BMP2K: variants seen among roughly 807,000 people sequenced by gnomAD.
BMP2K encodes the protein BMP2 inducible kinase.
Under a neutral mutation model 116.0 loss-of-function variants are expected in BMP2K, and 74 were observed. The observed-to-expected ratio is 0.64, with a 90% confidence interval of 0.53 to 0.77. BMP2K has a LOEUF of 0.77. Ranked by LOEUF, BMP2K falls within the 30% of genes least tolerant of loss-of-function variation. The pLI, the probability that BMP2K is intolerant of heterozygous loss-of-function variation, is 0.00. For missense variants in BMP2K, 1,365 were observed against 1,403.6 expected, an observed-to-expected ratio of 0.97 and a Z score of 0.44; for synonymous variants, 486 against 502.5, an observed-to-expected ratio of 0.97 and a Z score of 0.44.
intron 15 of BMP2K, among the ~76,000 whole-genome samples, chr4:78,910,358 CAGTG>C (rs942950711): frequency 6.6e-6 from 1 of 152,132 alleles, no homozygotes; most frequent in East Asian, 1.9e-4. Context: ...ATTTGGCTGT[CAGTG>C]AGAGTACGAT....
At chr4:78,878,396 G>T (rs570775991) in intron 13 of BMP2K, among the ~76,000 whole-genome samples, 12 of 152,094 alleles carry the variant, frequency 7.9e-5, no homozygotes, top group Non-Finnish European at 1.6e-4. Flanking sequence ...TTTGCTTTAC[G>T]TGTATTAAAT....
chr4:78,842,872 T>C (rs1730826636), intron 4 of BMP2K, among the ~76,000 whole-genome samples: 2 of 152,178 alleles, frequency 1.3e-5, no homozygotes, highest in South Asian at 4.1e-4. Context: ...TCAGCCAGCA[T>C]TTCTCCTATT....
Position 78,865,739 on chromosome 4 carries a change from C to T in BMP2K, c.1231+19C>T, listed in dbSNP as rs990293229. 6.2e-7 allele frequency: 1 copy of T among 1,612,164 alleles called. No individual in the cohort carries two copies. On this transcript the variant is annotated intron_variant, in intron 10 of 15. Coordinates refer to ENST00000502613, the MANE Select transcript of BMP2K (RefSeq NM_198892.2). ...CCAAAAGGTAATAGAGCCCCGCCAA[C>T]CTCATCCTCTTAAAGGTTAATGTTA...
intron 3 of BMP2K, among the ~76,000 whole-genome samples, chr4:78,837,535 AC>A (rs1356542092): frequency 1.3e-5 from 2 of 152,092 alleles, no homozygotes; most frequent in Non-Finnish European, 2.9e-5. Flanking sequence ...GCTAAAGTAC[AC>A]CTTGTTACCA....
chr4:78,873,658 C>CTGTGTG lies in BMP2K; in HGVS notation c.1793+902_1793+907dup, dbSNP rs377226626. On this transcript the variant is annotated intron_variant, in intron 13 of 15. Coordinates refer to ENST00000502613, the MANE Select transcript of BMP2K (RefSeq NM_198892.2). ...TTTGCTATAGAATGCCTCCCAACCT[C>CTGTGTG]TGTGTGTGTGTGTGTGTGTGTGTGT... Among the ~76,000 whole-genome samples, 433 of 139,510 alleles carry CTGTGTG rather than the reference C, an allele frequency of 3.1e-3. 1 individual carries two copies. The highest frequency in any genetic ancestry group is 8.5e-3 in the Admixed American group (119 of 13,988). The allele number at this position is 139,510 out of a possible 152,430, so 91.5% of individuals were successfully genotyped here.
intron 9 of BMP2K, 130 bp downstream of exon 9, chr4:78,861,598 G>C (rs766575691): frequency 1.9e-5 from 14 of 742,992 alleles, no homozygotes; most frequent in Non-Finnish European, 2.6e-5. Context: ...TATTGTATGT[G>C]GTATAATTGA....
At chr4:78,861,806 TA>T (rs1381430171) in intron 9 of BMP2K, among the ~76,000 whole-genome samples, 3 of 151,988 alleles carry the variant, frequency 2.0e-5, no homozygotes, top group African/African-American at 7.2e-5. Context: ...TATAGATGTT[TA>T]TTTTTTTAAT....
chr4:78,793,767 T>G (rs1446588843), intron 1 of BMP2K, among the ~76,000 whole-genome samples: 1 of 152,144 alleles, frequency 6.6e-6, no homozygotes, highest in African/African-American at 2.4e-5. Flanking sequence ...AAAAAGAACA[T>G]AGAAGACCTT....
chr4:78,815,922 T>G (rs1729320803), intron 1 of BMP2K, among the ~76,000 whole-genome samples: 2 of 152,154 alleles, frequency 1.3e-5, no homozygotes, highest in Non-Finnish European at 1.5e-5. Context: ...TAAAGTGACA[T>G]GATGTATACA....
chr4:78,906,084 A>G (rs1734269548), intron 15 of BMP2K: 1 of 152,072 alleles, frequency 6.6e-6, no homozygotes, highest in South Asian at 2.1e-4. Context: ...GATTAAGTAG[A>G]TCACTGCTAC....
intron 1 of BMP2K, among the ~76,000 whole-genome samples, chr4:78,818,577 G>GT (rs1452218583): frequency 6.6e-6 from 1 of 152,108 alleles, no homozygotes; most frequent in Non-Finnish European, 1.5e-5. Flanking sequence ...TTAAAAAAGT[G>GT]TTTTATAAGC....
chr4:78,854,849 A>G (rs535829675), intron 7 of BMP2K, among the ~76,000 whole-genome samples: 3 of 151,860 alleles, frequency 2.0e-5, no homozygotes, highest in Non-Finnish European at 2.9e-5. Context: ...ACCTCACCCA[A>G]CCTCACTGGT....
chr4:78,897,204 A>G (rs984438050), intron 15 of BMP2K, among the ~76,000 whole-genome samples: 5 of 149,104 alleles, frequency 3.4e-5, no homozygotes, highest in Non-Finnish European at 4.4e-5. Context: ...TGATTTTTTT[A>G]AGCCTTATTT....
intron 9 of BMP2K, among the ~76,000 whole-genome samples, chr4:78,862,706 C>T (rs1189459973): frequency 5.3e-5 from 8 of 152,010 alleles, no homozygotes; most frequent in Admixed American, 1.3e-4. Flanking sequence ...TGATCTGTTA[C>T]TTATACATTG....
chr4:78,815,564 A>G (rs1729298867), intron 1 of BMP2K, among the ~76,000 whole-genome samples: 1 of 152,154 alleles, frequency 6.6e-6, no homozygotes, highest in African/African-American at 2.4e-5. Context: ...CTGGGGAAAA[A>G]CATACTTTGT....
chr4:78,872,317 TTTTTTTTTTTTTA>T (rs1732402262), intron 12 of BMP2K: 1 of 230,550 alleles, frequency 4.3e-6, no homozygotes. Context: ...TTTTTTTTTT[TTTTTTTTTTTTTA>T]ACAGCAACCA....
chr4:78,870,473 T>C (rs958254352), intron 10 of BMP2K, among the ~76,000 whole-genome samples: 1 of 152,230 alleles, frequency 6.6e-6, no homozygotes, highest in South Asian at 2.1e-4. Flanking sequence ...ATACTCATGA[T>C]AGTACATGAT....
chr4:78,859,974 T>G, intron 8 of BMP2K: 4 of 545,248 alleles, frequency 7.3e-6, no homozygotes, highest in Non-Finnish European at 1.4e-5. Flanking sequence ...CTAATTTTAT[T>G]AAGTTATTTG....
chr4:78,834,389 G>A (rs567716848), intron 3 of BMP2K, among the ~76,000 whole-genome samples: 130 of 150,854 alleles, frequency 8.6e-4, no homozygotes, highest in African/African-American at 3.1e-3. Context: ...AGCCTCCCGA[G>A]TAGCTGGGAC....
Sources: allele counts gnomAD v4.1 joint callset (sites outside exome capture counted in the v4.1 genomes callset), GRCh38; gene constraint gnomAD v4.1.1; transcripts MANE v1.5; gene names NCBI Gene and HGNC (gene_info 2026-07-23, HGNC 2026-07-21).